AAK1: variants seen among roughly 807,000 people sequenced by gnomAD.
AAK1 encodes the protein AP2 associated kinase 1.
In AAK1, 37 loss-of-function variants were observed where a neutral mutation model predicts 116.0. The ratio of observed to expected loss-of-function variants is 0.32; its 90% CI spans 0.25 to 0.42. The LOEUF is 0.42. Among genes scored for constraint, AAK1 ranks in the 10% least tolerant of loss-of-function variants. The probability of loss-of-function intolerance (pLI) is 1.00; values close to 1 mark genes in which losing one functional copy is unlikely to be tolerated. For missense variants in AAK1, 919 were observed against 1,170.6 expected (o/e 0.79, Z 3.14); for synonymous variants, 458 against 439.9 (o/e 1.04, Z -0.51).
chr2:69,622,331 G>A (rs1674680102), intron 2 of AAK1, among the ~76,000 whole-genome samples: 1 of 152,020 alleles, frequency 6.6e-6, no homozygotes, highest in Admixed American at 6.5e-5. Context: ...CCGCCCGGCG[G>A]TGGGCTCCTG....
At chr2:69,483,555 T>C (rs886639527) in intron 17 of AAK1, among the ~76,000 whole-genome samples, 1 of 152,244 alleles carries the variant, frequency 6.6e-6, no homozygotes, top group Non-Finnish European at 1.5e-5. Context: ...AATCTTTGTA[T>C]GTTCATTTTC....
intron 2 of AAK1, among the ~76,000 whole-genome samples, chr2:69,583,736 G>A (rs1672642686): frequency 6.6e-6 from 1 of 152,014 alleles, no homozygotes; most frequent in Non-Finnish European, 1.5e-5. Flanking sequence ...CTGATTCTTG[G>A]CCCTGAGTCC....
In AAK1 at chr2:69,468,064, T is replaced by A; in HGVS notation, c.*7805A>T. 4 of 985,422 alleles carry A rather than the reference T, an allele frequency of 4.1e-6. No homozygotes were observed. Among genetic ancestry groups the A allele is most frequent in the Non-Finnish European group, 4.8e-6 (4 of 829,918 alleles). 61.0% of individuals were successfully genotyped at this position (985,422 alleles called of 1,614,324 possible). On this transcript the variant is annotated 3_prime_UTR_variant, in exon 22 of 22. Transcript: ENST00000409085. ...TTCCAGATTGGGGCGTTAAGTTAAA[T>A]TCTGTACTGGTGCCAAATGGCTTTC...
At chr2:69,562,655 G>A (rs1671691248) in intron 2 of AAK1, among the ~76,000 whole-genome samples, 1 of 152,190 alleles carries the variant, frequency 6.6e-6, no homozygotes, top group Non-Finnish European at 1.5e-5. Context: ...ATTTTGGGAG[G>A]TCGAGGCGGG....
rs1462024795 is a variant in AAK1, at chr2:69,460,199, A to G, written c.*15670T>C. On this transcript the variant is annotated 3_prime_UTR_variant, in exon 22 of 22. Coordinates refer to ENST00000409085, the MANE Select transcript of AAK1 (RefSeq NM_014911.5). ...CACGTGTTCTCCAATTTCAGTTCCA[A>G]ACACACAACACAGAATCACACTTTT... 6.6e-6 allele frequency: 1 copy of G among 152,578 alleles called. No individual in the cohort carries two copies. The highest frequency in any genetic ancestry group is 1.5e-5 in the Non-Finnish European group (1 of 68,032). 9.5% of individuals were successfully genotyped at this position (152,578 alleles called of 1,614,324 possible).
chr2:69,516,548 A>C (rs1004829147), intron 12 of AAK1, among the ~76,000 whole-genome samples: 1 of 152,182 alleles, frequency 6.6e-6, no homozygotes, highest in Non-Finnish European at 1.5e-5. Flanking sequence ...AAAAAGAAAC[A>C]GAGCTCCTAA....
chr2:69,553,587 G>A (rs922506975), intron 3 of AAK1, among the ~76,000 whole-genome samples: 1 of 151,626 alleles, frequency 6.6e-6, no homozygotes, highest in Non-Finnish European at 1.5e-5. Flanking sequence ...GGGATTACAG[G>A]CACGCACTGC....
rs1362170431 is a variant in AAK1, at chr2:69,460,597, C to T, written c.*15272G>A. ...GAGAAAACTCAGATACAACATGAGCCTCTAAACACATACACTCTAGTCTAC... is the reference window on the plus strand; with the variant it reads ...GAGAAAACTCAGATACAACATGAGCTTCTAAACACATACACTCTAGTCTAC... On this transcript the variant is annotated 3_prime_UTR_variant, in exon 22 of 22. Coordinates refer to ENST00000409085, the MANE Select transcript of AAK1 (RefSeq NM_014911.5). 6 of 152,156 alleles carry T rather than the reference C, an allele frequency of 3.9e-5. No homozygotes were observed. The highest frequency in any genetic ancestry group is 1.4e-4 in the African/African-American group (6 of 41,428). The allele number at this position is 152,156 out of a possible 1,614,324, so 9.4% of individuals were successfully genotyped here. A position where few individuals can be genotyped will look rare whatever the true frequency, so the allele number is the denominator to read the frequency against.
intron 18 of AAK1, 122 bp from the exon 19 acceptor site, chr2:69,481,083 G>C: frequency 1.2e-6 from 1 of 844,008 alleles, no homozygotes; most frequent in East Asian, 2.9e-5. Context: ...ATGGTGTCTT[G>C]CTCCTGAGCT....
At chr2:69,565,995 T>C (rs1278192945) in intron 2 of AAK1, among the ~76,000 whole-genome samples, 8 of 152,042 alleles carry the variant, frequency 5.3e-5, no homozygotes, top group Non-Finnish European at 1.2e-4. Flanking sequence ...GTGTGTCCTC[T>C]CCATGGTGAG....
intron 16 of AAK1, among the ~76,000 whole-genome samples, chr2:69,498,444 G>T (rs779534487): frequency 6.6e-6 from 1 of 151,776 alleles, no homozygotes; most frequent in Non-Finnish European, 1.5e-5. Flanking sequence ...TGACATGGGA[G>T]AGTTTCCACC....
intron 2 of AAK1, among the ~76,000 whole-genome samples, chr2:69,600,140 T>C (rs1408908696): frequency 2.0e-5 from 3 of 151,972 alleles, no homozygotes; most frequent in South Asian, 2.1e-4. Context: ...AGGAATAATA[T>C]AGAATGCCAA....
intron 12 of AAK1, among the ~76,000 whole-genome samples, chr2:69,515,439 C>T (rs1676543793): frequency 1.3e-5 from 2 of 152,120 alleles, no homozygotes; most frequent in South Asian, 4.2e-4. Context: ...GATCATTCCA[C>T]CTCAGCCTCC....
intron 5 of AAK1, among the ~76,000 whole-genome samples, chr2:69,538,348 A>G (rs2105041804): frequency 6.6e-6 from 1 of 152,302 alleles, no homozygotes; most frequent in African/African-American, 2.4e-5. Flanking sequence ...GCAGTGAAGG[A>G]AGAGGCTGGG....
At chr2:69,578,588 C>A (rs529890221) in intron 2 of AAK1, among the ~76,000 whole-genome samples, 3 of 152,166 alleles carry the variant, frequency 2.0e-5, no homozygotes, top group Admixed American at 6.5e-5. Flanking sequence ...TACCAACACT[C>A]TGAAGTCCTA....
intron 2 of AAK1, among the ~76,000 whole-genome samples, chr2:69,575,491 CAG>C (rs1436561828): frequency 1.2e-4 from 14 of 120,658 alleles, no homozygotes; most frequent in African/African-American, 4.6e-4. Flanking sequence ...TTTTTTGAGA[CAG>C]AGTTTCACTC....
Position 69,538,710 on chromosome 2 carries a change from C to T in AAK1, c.534+3813G>A, listed in dbSNP as rs147576488. ...CAGTCTTGCTAACATGGTGAAACCC[C>T]GTCTCTACTAAAAATACAAAAATTA... is the stretch of plus-strand genomic sequence containing the variant. On this transcript the variant is annotated intron_variant, in intron 5 of 21. Transcript: ENST00000409085. 9.1e-3 allele frequency among the ~76,000 whole-genome samples: 1,380 copies of T among 152,182 alleles called. 8 individuals carry two copies. The highest frequency in any genetic ancestry group is 0.015 in the Admixed American group (227 of 15,288).
At chr2:69,623,594 G>A (rs534282099) in intron 2 of AAK1, among the ~76,000 whole-genome samples, 10 of 152,222 alleles carry the variant, frequency 6.6e-5, no homozygotes, top group African/African-American at 1.4e-4. Context: ...TGGGAGGACC[G>A]CTTGAGGTCA....
intron 16 of AAK1, among the ~76,000 whole-genome samples, chr2:69,502,623 A>C (rs2104951471): frequency 6.6e-6 from 1 of 152,238 alleles, no homozygotes; most frequent in East Asian, 1.9e-4. Flanking sequence ...CTGTCTCAAA[A>C]AATAAATAAA....
Sources: allele counts gnomAD v4.1 joint callset (sites outside exome capture counted in the v4.1 genomes callset), GRCh38; gene constraint gnomAD v4.1.1; transcripts MANE v1.5; gene names NCBI Gene and HGNC (gene_info 2026-07-23, HGNC 2026-07-21).